The following ZBTB8A variants were observed in gnomAD, a reference collection of about 807,000 sequenced individuals.
The protein encoded by ZBTB8A is zinc finger and BTB domain containing 8A, also known as zinc finger and BTB domain-containing protein 8A.
A neutral mutation model predicts 37.8 loss-of-function variants in ZBTB8A; 19 were observed. The observed-to-expected ratio is 0.50, with a 90% CI of 0.35 to 0.74. The LOEUF is 0.74. Ranked by LOEUF, ZBTB8A falls within the 30% of genes least tolerant of loss-of-function variation. The pLI is 0.01. For synonymous variants in ZBTB8A, 181 were observed against 185.2 expected (o/e 0.98, Z 0.19); for missense variants, 394 against 537.8 (o/e 0.73, Z 2.65).
At chr1:32,577,326 C>G (rs1644367855) in intron 2 of ZBTB8A, among the ~76,000 whole-genome samples, 1 of 151,578 alleles carries the variant, frequency 6.6e-6, no homozygotes, top group African/African-American at 2.4e-5. Context: ...TCCTCAGTAG[C>G]TGGGATTACA....
chr1:32,589,456 G>A (rs1301685134), intron 2 of ZBTB8A, among the ~76,000 whole-genome samples: 1 of 152,020 alleles, frequency 6.6e-6, no homozygotes, highest in Non-Finnish European at 1.5e-5. Flanking sequence ...TCACCATGTT[G>A]CTCAGGCTGG....
chr1:32,581,228 A>T (rs1404009883), intron 2 of ZBTB8A, among the ~76,000 whole-genome samples: 1 of 106,354 alleles, frequency 9.4e-6, no homozygotes, highest in Non-Finnish European at 1.8e-5. Flanking sequence ...AATATAATAT[A>T]ATATATTATA....
chr1:32,585,021 A>G (rs1040746568), intron 2 of ZBTB8A, among the ~76,000 whole-genome samples: 25 of 148,418 alleles, frequency 1.7e-4, no homozygotes, highest in African/African-American at 6.2e-4. Flanking sequence ...AGAATGTTTC[A>G]GATTTCTTTT....
chr1:32,586,995 A>G (rs1644454236), intron 2 of ZBTB8A, among the ~76,000 whole-genome samples: 1 of 152,182 alleles, frequency 6.6e-6, no homozygotes, highest in South Asian at 2.1e-4. Flanking sequence ...CTGTAATCCC[A>G]GCACTTTGGG....
chr1:32,544,079 C>T (rs1644081519), intron 1 of ZBTB8A, among the ~76,000 whole-genome samples: 2 of 152,234 alleles, frequency 1.3e-5, no homozygotes, highest in African/African-American at 4.8e-5. Flanking sequence ...AACCAGTCCT[C>T]TGCCTCAGTC....
intron 2 of ZBTB8A, among the ~76,000 whole-genome samples, chr1:32,557,118 A>G (rs1226715985): frequency 6.6e-6 from 1 of 151,974 alleles, no homozygotes; most frequent in Non-Finnish European, 1.5e-5. Context: ...CCTGGCCAAC[A>G]TAGTGAAACC....
chr1:32,583,373 C>G lies in ZBTB8A; in HGVS notation c.-1-9558C>G, dbSNP rs527910465. ...TCCAGCCTGGGTGACAGAGTGAGACCCTGTCTCAAAAAAAAAAAAAAAAAA... is the reference window on the plus strand; with the variant it reads ...TCCAGCCTGGGTGACAGAGTGAGACGCTGTCTCAAAAAAAAAAAAAAAAAA... On this transcript the variant is annotated intron_variant, in intron 2 of 4. Coordinates refer to ENST00000373510, the MANE Select transcript of ZBTB8A (RefSeq NM_001040441.3). Among the ~76,000 whole-genome samples the G allele has an allele frequency of 2.0e-4, 29 of 142,122 alleles. No individual in the cohort carries two copies. In the South Asian group the frequency reaches 3.6e-3, roughly 17 times the overall value. The allele number at this position is 142,122 out of a possible 152,430, so 93.2% of individuals were successfully genotyped here. A position where few individuals can be genotyped will look rare whatever the true frequency, so the allele number is the denominator to read the frequency against.
At chr1:32,540,854 T>C (rs996918172) in intron 1 of ZBTB8A, among the ~76,000 whole-genome samples, 2 of 152,156 alleles carry the variant, frequency 1.3e-5, no homozygotes, top group African/African-American at 2.4e-5. Flanking sequence ...GAAGTGAGAA[T>C]CTGGCTTAGG....
chr1:32,567,840 C>CA (rs1553178107), intron 2 of ZBTB8A, among the ~76,000 whole-genome samples: 1 of 57,378 alleles, frequency 1.7e-5, no homozygotes, highest in Non-Finnish European at 4.1e-5. Context: ...CAAAACAAAA[C>CA]AAAAAAAAGA....
intron 2 of ZBTB8A, among the ~76,000 whole-genome samples, chr1:32,564,135 G>C (rs1166925583): frequency 6.6e-6 from 1 of 152,124 alleles, no homozygotes; most frequent in Non-Finnish European, 1.5e-5. Flanking sequence ...CTCAGAAAGG[G>C]ACACACCAGA....
At chr1:32,597,655 A>G (rs1391198022) in intron 4 of ZBTB8A, among the ~76,000 whole-genome samples, 2 of 152,222 alleles carry the variant, frequency 1.3e-5, no homozygotes, top group African/African-American at 2.4e-5. Flanking sequence ...CAGTGGATAG[A>G]GTTAGAAGAT....
At chr1:32,581,669 C>A (rs377495137) in intron 2 of ZBTB8A, among the ~76,000 whole-genome samples, 5 of 151,878 alleles carry the variant, frequency 3.3e-5, no homozygotes, top group African/African-American at 1.2e-4. Context: ...GTATTTGTTG[C>A]AGCATTGTAT....
chr1:32,566,569 C>G (rs958519737), intron 2 of ZBTB8A, among the ~76,000 whole-genome samples: 1 of 152,066 alleles, frequency 6.6e-6, no homozygotes, highest in African/African-American at 2.4e-5. Context: ...CAAAATAATT[C>G]TAGTTCTTCC....
chr1:32,594,193 C>CAA (rs201281415), intron 3 of ZBTB8A, among the ~76,000 whole-genome samples: 3 of 80,616 alleles, frequency 3.7e-5, no homozygotes, highest in Non-Finnish European at 2.5e-5. Flanking sequence ...GACTCTGTCT[C>CAA]AAAAAAACAA....
chr1:32,545,490 A>G (rs1644095821), intron 1 of ZBTB8A, among the ~76,000 whole-genome samples: 1 of 152,230 alleles, frequency 6.6e-6, no homozygotes, highest in South Asian at 2.1e-4. Context: ...GAATGCTTAG[A>G]GTTAAGTAAC....
chr1:32,550,697 G>A (rs1472741524), intron 1 of ZBTB8A, among the ~76,000 whole-genome samples: 3 of 151,986 alleles, frequency 2.0e-5, no homozygotes, highest in Admixed American at 6.6e-5. Flanking sequence ...GTTGGGTCAC[G>A]CCTGTAATCC....
At chr1:32,592,836 TGCA>T in intron 2 of ZBTB8A, 92 bp from the exon 3 acceptor site, 1 of 1,056,320 alleles carries the variant, frequency 9.5e-7, no homozygotes. Flanking sequence ...ACCACTGCAC[TGCA>T]GCCTGGGCCA....
chr1:32,570,240 C>G (rs940729057), intron 2 of ZBTB8A, among the ~76,000 whole-genome samples: 1 of 152,152 alleles, frequency 6.6e-6, no homozygotes, highest in African/African-American at 2.4e-5. Flanking sequence ...ATAATATATT[C>G]ATGTGTCTAT....
At position 32,593,459 on chromosome 1, in the gene ZBTB8A, T is replaced by A. The variant is rs755216733; in HGVS notation, c.528T>A (p.Ser176Arg). The part of the protein sequence containing the change: ...LSPEQGTGII[S>R]GKSWNKYNYH... The stretch of plus-strand genomic sequence containing the variant: ...CAGAGCAAGGAACAGGTATAATAAG[T>A]GGAAAATCTTGGAATAAGTATAATT... The change falls in exon 3 of 5, where the codon AGT becomes AGA. Residue 176 changes from serine to arginine, a missense_variant. Around this residue, in one of 4 missense-constraint regions of ZBTB8A, gnomAD observed 171 missense variants for 186.8 expected, o/e 0.92. Coordinates refer to ENST00000373510, the MANE Select transcript of ZBTB8A (RefSeq NM_001040441.3). 1.2e-6 allele frequency: 2 copies of A among 1,613,946 alleles called. No homozygotes were observed. Among genetic ancestry groups the A allele is most frequent in the Admixed American group, 1.7e-5 (1 of 59,988 alleles).
Sources: allele counts gnomAD v4.1 joint callset (sites outside exome capture counted in the v4.1 genomes callset), GRCh38; gene constraint gnomAD v4.1.1; regional missense constraint gnomAD v4.1.1; transcripts MANE v1.5; gene names NCBI Gene and HGNC (gene_info 2026-07-23, HGNC 2026-07-21).